PLD5: variants seen among roughly 807,000 people sequenced by gnomAD.
The protein encoded by PLD5 is phospholipase D family member 5.
PLD5 carries 36 observed loss-of-function variants against 61.1 expected under a neutral mutation model. The ratio of observed to expected loss-of-function variants is 0.59; its 90% CI spans 0.45 to 0.78. PLD5 has a LOEUF of 0.78. Among genes scored for constraint, PLD5 ranks in the 30% least tolerant of loss-of-function variants. PLD5 has a pLI of 0.00. For missense variants in PLD5, 515 were observed against 644.4 expected (o/e 0.80, Z 2.17); for synonymous variants, 243 against 242.8 (o/e 1.00, Z -0.01).
At chr1:242,447,842 T>C in intron 1 of PLD5, among the ~76,000 whole-genome samples, 1 of 152,190 alleles carries the variant, frequency 6.6e-6, no homozygotes, top group Non-Finnish European at 1.5e-5. Context: ...ACTATGCGTA[T>C]GTTTATGCCC....
intron 5 of PLD5, among the ~76,000 whole-genome samples, chr1:242,135,129 ATAAT>A (rs1432775452): frequency 6.6e-6 from 1 of 152,198 alleles, no homozygotes; most frequent in Non-Finnish European, 1.5e-5. Context: ...GGTTGTTGGG[ATAAT>A]TAAATAATTT....
chr1:242,479,563 T>C (rs1282544307), intron 1 of PLD5, among the ~76,000 whole-genome samples: 3 of 152,194 alleles, frequency 2.0e-5, no homozygotes, highest in Non-Finnish European at 4.4e-5. Context: ...AGACATACTA[T>C]ATGGAGAGCA....
chr1:242,338,705 T>C (rs1659667588), intron 2 of PLD5, among the ~76,000 whole-genome samples: 1 of 152,176 alleles, frequency 6.6e-6, no homozygotes, highest in Non-Finnish European at 1.5e-5. Context: ...TTTTAAACTT[T>C]AGCTGTGGAA....
intron 1 of PLD5, chr1:242,449,342 A>C (rs1666686923): frequency 2.0e-6 from 3 of 1,536,064 alleles, no homozygotes; most frequent in Non-Finnish European, 2.6e-6. Context: ...AGAAAACTCC[A>C]GAGTTTCTTA....
intron 5 of PLD5, among the ~76,000 whole-genome samples, chr1:242,141,181 G>A (rs543197308): frequency 2.6e-5 from 4 of 152,192 alleles, no homozygotes; most frequent in East Asian, 1.9e-4. Context: ...ATCTGAAGAC[G>A]CAACACAGCC....
At chr1:242,227,468 A>G (rs547773770) in intron 4 of PLD5, among the ~76,000 whole-genome samples, 1 of 152,150 alleles carries the variant, frequency 6.6e-6, no homozygotes, top group Admixed American at 6.5e-5. Flanking sequence ...GAGTTCAAGC[A>G]ATTCTCATGC....
intron 1 of PLD5, among the ~76,000 whole-genome samples, chr1:242,410,071 T>C (rs1664464688): frequency 6.6e-6 from 1 of 152,178 alleles, no homozygotes; most frequent in Non-Finnish European, 1.5e-5. Flanking sequence ...ACTCCTATAA[T>C]ATTCCTCCCT....
chr1:242,479,372 T>G (rs1284793516), intron 1 of PLD5, among the ~76,000 whole-genome samples: 1 of 152,180 alleles, frequency 6.6e-6, no homozygotes, highest in Non-Finnish European at 1.5e-5. Flanking sequence ...AAATGAATTG[T>G]ATTTCCATAT....
At position 242,492,728 on chromosome 1, in the gene PLD5, G is replaced by A. The variant is rs116222016; in HGVS notation, c.189+31360C>T. Among the ~76,000 whole-genome samples the A allele has an allele frequency of 6.3e-3, 957 of 152,256 alleles. 11 individuals carry two copies. The highest frequency in any genetic ancestry group is 0.022 in the African/African-American group (901 of 41,550). ...TTTATGTCTCACAGTTCTGGAGGCT[G>A]GGAAGTCCAAGAACAAGGCACCAAT... is the stretch of plus-strand genomic sequence containing the variant. On this transcript the variant is annotated intron_variant, in intron 1 of 9. Transcript: ENST00000536534.
At chr1:242,252,427 C>G (rs191392485) in intron 4 of PLD5, among the ~76,000 whole-genome samples, 50 of 152,316 alleles carry the variant, frequency 3.3e-4, no homozygotes, top group African/African-American at 7.5e-4. Context: ...GACAATATGT[C>G]TCTAGCCAGT....
At chr1:242,404,242 G>A (rs1346898873) in intron 1 of PLD5, among the ~76,000 whole-genome samples, 1 of 152,182 alleles carries the variant, frequency 6.6e-6, no homozygotes, top group Non-Finnish European at 1.5e-5. Flanking sequence ...TATTTCTGGG[G>A]TGTGGAGAGA....
chr1:242,274,955 C>A (rs1031335041), intron 3 of PLD5, among the ~76,000 whole-genome samples: 4 of 152,108 alleles, frequency 2.6e-5, no homozygotes, highest in African/African-American at 9.7e-5. Context: ...CGGCTTTCTT[C>A]CACCCAGGAA....
intron 2 of PLD5, among the ~76,000 whole-genome samples, chr1:242,301,690 G>A (rs1380285253): frequency 6.6e-6 from 1 of 151,982 alleles, no homozygotes; most frequent in Non-Finnish European, 1.5e-5. Context: ...TATGATGATG[G>A]TCCCATAAGA....
intron 2 of PLD5, among the ~76,000 whole-genome samples, chr1:242,336,184 G>A (rs1228269583): frequency 6.6e-6 from 1 of 152,096 alleles, no homozygotes; most frequent in East Asian, 1.9e-4. Flanking sequence ...GACAATCGTG[G>A]GGGAAAACAA....
rs191520263 is a variant in PLD5, at chr1:242,131,133, A to G, written c.736-6468T>C. Among the ~76,000 whole-genome samples the G allele has an allele frequency of 3.9e-5, 6 of 152,186 alleles. No homozygotes were observed. In the East Asian group the frequency reaches 1.2e-3, roughly 29 times the overall value. On this transcript the variant is annotated intron_variant, in intron 5 of 9. Transcript: ENST00000536534. ...ATCCTGGCCAACATGGTGAAACCTC[A>G]TCTCTACTAAAAATACAAAAAAATT...
At chr1:242,280,289 T>C (rs1674649100) in intron 3 of PLD5, among the ~76,000 whole-genome samples, 1 of 152,224 alleles carries the variant, frequency 6.6e-6, no homozygotes, top group Non-Finnish European at 1.5e-5. Flanking sequence ...CTTTCCCCTG[T>C]AGTACATGGA....
chr1:242,527,660 A>G (rs1669479358), upstream of PLD5, among the ~76,000 whole-genome samples: 1 of 152,186 alleles, frequency 6.6e-6, no homozygotes, highest in Admixed American at 6.6e-5. Flanking sequence ...TTATTTTTCT[A>G]TCTTGGATTC....
intron 1 of PLD5, among the ~76,000 whole-genome samples, chr1:242,418,135 G>A (rs900166148): frequency 9.2e-5 from 14 of 152,080 alleles, no homozygotes; most frequent in Non-Finnish European, 1.6e-4. Flanking sequence ...ATATATTTTG[G>A]AAATAGATCC....
intron 5 of PLD5, among the ~76,000 whole-genome samples, chr1:242,191,910 GAAA>G (rs1668312036): frequency 6.6e-6 from 1 of 152,126 alleles, no homozygotes; most frequent in Non-Finnish European, 1.5e-5. Flanking sequence ...AAAGAAAGAA[GAAA>G]GAGTGAGACA....
Sources: gnomAD v4.1 joint callset for allele counts (sites outside exome capture counted in the v4.1 genomes callset) on GRCh38, gnomAD v4.1.1 for gene constraint, MANE v1.5 for transcripts, NCBI Gene and HGNC (gene_info 2026-07-23, HGNC 2026-07-21) for gene names.